The following FSTL5 variants were observed in gnomAD, a reference collection of about 807,000 sequenced individuals.
FSTL5 encodes the protein follistatin like 5, also known as follistatin-related protein 5.
In FSTL5, 62 loss-of-function variants were observed where a neutral mutation model predicts 89.1. That is an observed-to-expected ratio of 0.70 (90% CI 0.57 to 0.86). The LOEUF is 0.86. FSTL5 is among the 40% of genes least tolerant of loss of function. The pLI, the probability that FSTL5 is intolerant of heterozygous loss-of-function variation, is 0.00. For missense variants in FSTL5, 1,057 were observed against 1,001.6 expected (o/e 1.06, Z -0.75); for synonymous variants, 383 against 346.2 (o/e 1.11, Z -1.18).
chr4:162,142,276 A>C (rs1212882829), intron 1 of FSTL5, among the ~76,000 whole-genome samples: 3 of 152,202 alleles, frequency 2.0e-5, no homozygotes, highest in African/African-American at 7.2e-5. Flanking sequence ...AAATGTTTGA[A>C]GGATGAGAAA....
intron 4 of FSTL5, among the ~76,000 whole-genome samples, chr4:161,851,710 A>G (rs116818560): frequency 0.045 from 6,793 of 151,160 alleles, 199 homozygotes; most frequent in Non-Finnish European, 0.069. Flanking sequence ...TCTGAAAATA[A>G]ATGTTAGAGT....
chr4:161,958,586 C>A (rs1011708144), intron 3 of FSTL5, among the ~76,000 whole-genome samples: 1 of 151,932 alleles, frequency 6.6e-6, no homozygotes, highest in Non-Finnish European at 1.5e-5. Flanking sequence ...GAGGCAAGAC[C>A]CTCTTGGGTA....
intron 15 of FSTL5, among the ~76,000 whole-genome samples, chr4:161,390,090 T>C (rs1730770973): frequency 6.6e-6 from 1 of 152,080 alleles, no homozygotes; most frequent in South Asian, 2.1e-4. Flanking sequence ...TCACCAAATA[T>C]CTCACATTGT....
At chr4:161,577,471 G>GAAAAAAAAAAAAAAAAA (rs1221239899) in intron 8 of FSTL5, among the ~76,000 whole-genome samples, 2 of 6,504 alleles carry the variant, frequency 3.1e-4, no homozygotes, top group African/African-American at 4.3e-4. Context: ...GAAGAAAAAA[G>GAAAAAAAAAAAAAAAAA]ACAAAAAAAA....
intron 3 of FSTL5, among the ~76,000 whole-genome samples, chr4:162,000,022 G>A (rs1272840300): frequency 6.6e-6 from 1 of 152,104 alleles, no homozygotes; most frequent in African/African-American, 2.4e-5. Context: ...AATTGATTTT[G>A]ATGGCCTAAT....
intron 2 of FSTL5, among the ~76,000 whole-genome samples, chr4:162,081,632 G>A (rs2077269738): frequency 6.6e-6 from 1 of 151,474 alleles, no homozygotes; most frequent in South Asian, 2.1e-4. Context: ...AGATGGCATT[G>A]CAAAAAGTAT....
intron 15 of FSTL5, among the ~76,000 whole-genome samples, chr4:161,446,039 G>C (rs904964850): frequency 2.0e-5 from 3 of 151,862 alleles, no homozygotes; most frequent in African/African-American, 7.3e-5. Context: ...ATTGTACATG[G>C]ATAGCTACAG....
chr4:161,490,396 T>C (rs1385005997), intron 12 of FSTL5, among the ~76,000 whole-genome samples: 3 of 152,164 alleles, frequency 2.0e-5, no homozygotes, highest in African/African-American at 4.8e-5. Flanking sequence ...CTTTTCTAGA[T>C]ATGCATATGT....
At chr4:161,527,146 G>C (rs978987289) in intron 10 of FSTL5, among the ~76,000 whole-genome samples, 1 of 152,116 alleles carries the variant, frequency 6.6e-6, no homozygotes, top group African/African-American at 2.4e-5. Context: ...TCTCCTTGAA[G>C]AGGTCCTTCA....
intron 5 of FSTL5, among the ~76,000 whole-genome samples, chr4:161,760,205 A>G (rs1036562644): frequency 6.6e-6 from 1 of 152,190 alleles, no homozygotes; most frequent in African/African-American, 2.4e-5. Context: ...TCTGTGCTCT[A>G]GTCTATGGAC....
chr4:161,814,884 A>G (rs1255200204), intron 4 of FSTL5, among the ~76,000 whole-genome samples: 4 of 152,122 alleles, frequency 2.6e-5, no homozygotes, highest in African/African-American at 9.6e-5. Flanking sequence ...AAAAGAAGAT[A>G]TAGTCCTGAT....
intron 3 of FSTL5, among the ~76,000 whole-genome samples, chr4:162,012,382 T>C (rs1445647018): frequency 6.6e-6 from 1 of 152,234 alleles, no homozygotes; most frequent in African/African-American, 2.4e-5. Flanking sequence ...TTTTATTCTT[T>C]TGCATTGATA....
intron 2 of FSTL5, among the ~76,000 whole-genome samples, chr4:162,087,452 G>T (rs1730365202): frequency 6.6e-6 from 1 of 152,032 alleles, no homozygotes; most frequent in Non-Finnish European, 1.5e-5. Flanking sequence ...ATGTACAGGG[G>T]TGAATATATC....
chr4:161,747,812 A>T (rs1740252551), intron 6 of FSTL5, among the ~76,000 whole-genome samples: 1 of 152,212 alleles, frequency 6.6e-6, no homozygotes, highest in East Asian at 1.9e-4. Flanking sequence ...CTTAGTGTAC[A>T]CACTTTGTTT....
At chr4:161,908,321 A>T (rs1037459560) in intron 4 of FSTL5, among the ~76,000 whole-genome samples, 2 of 152,088 alleles carry the variant, frequency 1.3e-5, no homozygotes, top group African/African-American at 4.8e-5. Flanking sequence ...ATATTTGTTC[A>T]TACATATCTG....
At chr4:162,023,209 C>T (rs1394060947) in intron 3 of FSTL5, among the ~76,000 whole-genome samples, 1 of 152,048 alleles carries the variant, frequency 6.6e-6, no homozygotes, top group Non-Finnish European at 1.5e-5. Flanking sequence ...TTTCCTAGGA[C>T]CTGCAATCTA....
At chr4:161,460,777 A>G (rs1288397746) in intron 13 of FSTL5, among the ~76,000 whole-genome samples, 1 of 151,980 alleles carries the variant, frequency 6.6e-6, no homozygotes, top group Non-Finnish European at 1.5e-5. Flanking sequence ...TTTCCTCGCT[A>G]AGAGAGTCAC....
chr4:161,480,774 G>C (rs1344297657), intron 13 of FSTL5, among the ~76,000 whole-genome samples: 2 of 152,056 alleles, frequency 1.3e-5, no homozygotes, highest in Admixed American at 6.6e-5. Context: ...GTGGAGCTAG[G>C]CAGGTTAATA....
At chr4:161,590,791 A>C (rs1303372732) in intron 7 of FSTL5, among the ~76,000 whole-genome samples, 5 of 152,188 alleles carry the variant, frequency 3.3e-5, no homozygotes, top group Non-Finnish European at 7.3e-5. Context: ...ACACATTGCT[A>C]GTGAGAAGAT....
Sources: allele counts gnomAD v4.1 joint callset (sites outside exome capture counted in the v4.1 genomes callset), GRCh38; gene constraint gnomAD v4.1.1; transcripts MANE v1.5; gene names NCBI Gene and HGNC (gene_info 2026-07-23, HGNC 2026-07-21).